ANK3: variants seen among roughly 807,000 people sequenced by gnomAD.
The protein encoded by ANK3 is ankyrin-3.
In ANK3, 57 loss-of-function variants were observed where a neutral mutation model predicts 370.9. That is an observed-to-expected ratio of 0.15 (90% CI 0.12 to 0.19). The LOEUF (loss-of-function observed/expected upper bound fraction) is 0.19. Ranked by LOEUF, ANK3 falls within the 10% of genes least tolerant of loss-of-function variation. The pLI is 1.00. For synonymous variants in ANK3, 1,929 were observed against 1,946.3 expected (o/e 0.99, Z 0.23); for missense variants, 4,439 against 5,302.1 (o/e 0.84, Z 5.06).
intron 2 of ANK3, among the ~76,000 whole-genome samples, chr10:60,476,877 AT>A: frequency 6.6e-6 from 1 of 152,322 alleles, no homozygotes; most frequent in Admixed American, 6.5e-5. Context: ...TCATTTTCGA[AT>A]TCTAGTTGAA....
At chr10:60,182,049 A>G (rs1327448685) in intron 17 of ANK3, among the ~76,000 whole-genome samples, 4 of 151,276 alleles carry the variant, frequency 2.6e-5, no homozygotes, top group Non-Finnish European at 5.9e-5. Flanking sequence ...TTACCCCCAT[A>G]CATTTCAGTG....
intron 1 of ANK3, among the ~76,000 whole-genome samples, chr10:60,686,924 A>G (rs1405380302): frequency 6.6e-6 from 1 of 152,216 alleles, no homozygotes; most frequent in Non-Finnish European, 1.5e-5. Context: ...GACCACAAAT[A>G]TGATCATGGT....
chr10:60,327,483 T>C (rs2050175832), intron 1 of ANK3, among the ~76,000 whole-genome samples: 1 of 152,230 alleles, frequency 6.6e-6, no homozygotes, highest in African/African-American at 2.4e-5. Context: ...CACATTCTAC[T>C]AATCTTTTCC....
Position 60,138,291 on chromosome 10 carries a change from A to G in ANK3, c.2738+673T>C, listed in dbSNP as rs114783916. Among the ~76,000 whole-genome samples, 1,232 of 152,340 alleles carry G rather than the reference A, an allele frequency of 8.1e-3. 24 individuals are homozygous for G. Among genetic ancestry groups the G allele is most frequent in the African/African-American group, 0.028 (1,175 of 41,578 alleles). ...GGGCAAAGAAGTCTCCAAATTCTGC[A>G]CAAGGTTCTGTTTCTTTCAACTAGT... On this transcript the variant is annotated intron_variant, in intron 24 of 43. Coordinates refer to ENST00000280772, the MANE Select transcript of ANK3 (RefSeq NM_020987.5).
chr10:60,074,876 T>C lies in ANK3; in HGVS notation c.6005A>G (p.Gln2002Arg), dbSNP rs1336796064. 6.2e-7 allele frequency: 1 copy of C among 1,613,822 alleles called. No individual in the cohort carries two copies. Among genetic ancestry groups the C allele is most frequent in the Admixed American group, 1.7e-5 (1 of 59,976 alleles). Residue 2002 changes from glutamine (Q) to arginine (R), a missense_variant, in exon 37 of 44, where the codon CAA (glutamine) becomes CGA (arginine). Coordinates refer to ENST00000280772, the MANE Select transcript of ANK3 (RefSeq NM_020987.5). ...TGGAGACTGGCTCGCAGCAGCTTGT[T>C]GTCTGGCTTCCCGGATTTCTTCCGA... ...FSSEEIREARQQAAASQSPSL... is the reference protein window; with the variant it reads ...FSSEEIREARRQAAASQSPSL...
chr10:60,361,373 C>G (rs1270485143), intron 1 of ANK3, among the ~76,000 whole-genome samples: 1 of 152,178 alleles, frequency 6.6e-6, no homozygotes, highest in African/African-American at 2.4e-5. Flanking sequence ...TCCTTTGATA[C>G]ACTAGAATTT....
At chr10:60,216,168 T>G (rs772493931) in intron 8 of ANK3, among the ~76,000 whole-genome samples, 12 of 151,840 alleles carry the variant, frequency 7.9e-5, no homozygotes, top group Non-Finnish European at 1.8e-4. Flanking sequence ...GTTTTTGGGC[T>G]GAGATGGTGG....
intron 1 of ANK3, among the ~76,000 whole-genome samples, chr10:60,674,794 A>G (rs74155666): frequency 0.012 from 1,783 of 152,324 alleles, 33 homozygotes; most frequent in African/African-American, 0.04. Flanking sequence ...ATAATCTTTA[A>G]TAAATGAACA....
chr10:60,551,109 G>A (rs1483013973), intron 2 of ANK3, among the ~76,000 whole-genome samples: 1 of 151,970 alleles, frequency 6.6e-6, no homozygotes, highest in East Asian at 1.9e-4. Context: ...GCCTGGTTTG[G>A]ATTTTTTGTT....
chr10:60,104,957 C>A (rs2091957229), intron 28 of ANK3, among the ~76,000 whole-genome samples: 1 of 152,158 alleles, frequency 6.6e-6, no homozygotes. Flanking sequence ...CAAGGTCATT[C>A]CTCAAGTACC....
chr10:60,190,835 T>C (rs192109031), intron 16 of ANK3, among the ~76,000 whole-genome samples: 38 of 152,282 alleles, frequency 2.5e-4, no homozygotes, highest in African/African-American at 8.9e-4. Flanking sequence ...CTTTAAATTA[T>C]ACTACAAGGC....
At chr10:60,294,836 C>T (rs1593213407) in intron 1 of ANK3, among the ~76,000 whole-genome samples, 1 of 152,044 alleles carries the variant, frequency 6.6e-6, no homozygotes, top group East Asian at 1.9e-4. Context: ...ACATTAAATA[C>T]AACAAAAGGG....
chr10:60,659,860 T>C (rs765801352), intron 1 of ANK3, among the ~76,000 whole-genome samples: 37 of 152,262 alleles, frequency 2.4e-4, no homozygotes, highest in Admixed American at 3.9e-4. Context: ...ATAATGGGCA[T>C]CCTTTGTTTC....
chr10:60,437,557 T>C (rs1197762529), intron 2 of ANK3, among the ~76,000 whole-genome samples: 1 of 152,142 alleles, frequency 6.6e-6, no homozygotes, highest in Non-Finnish European at 1.5e-5. Flanking sequence ...TTAATAACTA[T>C]TGCTAAATAA....
intron 1 of ANK3, among the ~76,000 whole-genome samples, chr10:60,656,939 T>C (rs1378932549): frequency 7.3e-6 from 1 of 137,824 alleles, no homozygotes; most frequent in Non-Finnish European, 1.6e-5. Flanking sequence ...TGTTGGTGGT[T>C]TTTTGTTTTT....
chr10:60,531,045 TA>T (rs1394534465), intron 2 of ANK3, among the ~76,000 whole-genome samples: 2 of 152,044 alleles, frequency 1.3e-5, no homozygotes, highest in East Asian at 3.9e-4. Flanking sequence ...AGAATACAAA[TA>T]ATGGACAATG....
At chr10:60,287,869 C>G (rs1014372907) in intron 1 of ANK3, among the ~76,000 whole-genome samples, 1 of 151,884 alleles carries the variant, frequency 6.6e-6, no homozygotes, top group Non-Finnish European at 1.5e-5. Context: ...TCTTCAGTTT[C>G]GCCCCCAATA....
chr10:60,370,985 C>T (rs201134864), intron 1 of ANK3, among the ~76,000 whole-genome samples: 1 of 152,126 alleles, frequency 6.6e-6, no homozygotes, highest in South Asian at 2.1e-4. Context: ...TACAAGGTAT[C>T]ACCACATATT....
At chr10:60,568,296 C>T (rs1209989692) in intron 2 of ANK3, among the ~76,000 whole-genome samples, 3 of 152,138 alleles carry the variant, frequency 2.0e-5, no homozygotes, top group African/African-American at 7.2e-5. Context: ...TTGGCAACCA[C>T]CATCCATCAA....
Sources: allele counts gnomAD v4.1 joint callset (sites outside exome capture counted in the v4.1 genomes callset), GRCh38; gene constraint gnomAD v4.1.1; transcripts MANE v1.5; gene names NCBI Gene and HGNC (gene_info 2026-07-23, HGNC 2026-07-21).